The following CEACAM1 variants were observed in gnomAD, a reference collection of about 807,000 sequenced individuals.
CEACAM1 encodes CEA cell adhesion molecule 1.
Under a neutral mutation model 49.1 loss-of-function variants are expected in CEACAM1, and 31 were observed. That is an observed-to-expected ratio of 0.63 (90% CI 0.47 to 0.85). The LOEUF is 0.85. Among genes scored for constraint, CEACAM1 ranks in the 40% least tolerant of loss-of-function variants. The pLI, the probability that CEACAM1 is intolerant of heterozygous loss-of-function variation, is 0.00. For synonymous variants in CEACAM1, 244 were observed against 247.8 expected, an observed-to-expected ratio of 0.98 and a Z score of 0.14; for missense variants, 570 against 645.3, an observed-to-expected ratio of 0.88 and a Z score of 1.26.
chr19:42,528,295 G>T lies in CEACAM1; in HGVS notation c.64+16C>A, dbSNP rs201531597. ...GCGCCCTCTTTCCGCCCCTTCCCAG[G>T]GTGTCCTCCCCTCACCTGTGAGCAG... On this transcript the variant is annotated intron_variant, in intron 1 of 8. Transcript: ENST00000161559. The T allele has an allele frequency of 1.8e-3, 2,882 of 1,610,902 alleles. 1 individual carries two copies. Among genetic ancestry groups the T allele is most frequent in the Non-Finnish European group, 2.3e-3 (2,688 of 1,177,796 alleles).
chr19:42,516,169 A>C (rs559932605), intron 5 of CEACAM1, among the ~76,000 whole-genome samples: 3 of 152,140 alleles, frequency 2.0e-5, no homozygotes, highest in African/African-American at 7.2e-5. Flanking sequence ...GTATTGGAAG[A>C]CCTAGACAGA....
In CEACAM1 at chr19:42,527,121, T is replaced by C. The variant is rs1162419868; in HGVS notation, c.344A>G (p.Asn115Ser). The C allele has an allele frequency of 1.2e-6, 2 of 1,614,126 alleles. No individual in the cohort carries two copies. Among genetic ancestry groups the C allele is most frequent in the Admixed American group, 1.7e-5 (1 of 60,018 alleles). ...ASLLIQNVTQ[N>S]DTGFYTLQVI... Reference sequence around the variant, plus strand: ...TTGTAGGGTGTAGAATCCTGTGTCATTCTGGGTGACGTTCTGGATCAGCAG... The same window carrying C: ...TTGTAGGGTGTAGAATCCTGTGTCACTCTGGGTGACGTTCTGGATCAGCAG... The change falls in exon 2 of 9, where the codon AAT (asparagine) becomes AGT (serine). Residue 115 changes from asparagine to serine, a missense_variant. Asn to Ser is a conservative substitution (Grantham distance 46). Coordinates refer to ENST00000161559, the MANE Select transcript of CEACAM1 (RefSeq NM_001712.5).
intron 1 of CEACAM1, chr19:42,527,734 C>T: frequency 3.9e-6 from 1 of 257,072 alleles, no homozygotes; most frequent in Admixed American, 4.9e-5. Flanking sequence ...CCTGGGTATT[C>T]CCTTTCTGAC....
At chr19:42,519,411 G>C in intron 4 of CEACAM1, 176 bp from the exon 5 acceptor site, 1 of 621,398 alleles carries the variant, frequency 1.6e-6, no homozygotes, top group Non-Finnish European at 2.8e-6. Flanking sequence ...GAGTGTCTTT[G>C]TTCAGGTGAT....
rs1231694498 is a variant in CEACAM1, at chr19:42,507,421, A to G, written c.*1688T>C. ...ACACAGCACAGCATGGATGAGGGAAAGTATGCACAGTCCGTGTCAGGGTTA... is the reference window on the plus strand; with the variant it reads ...ACACAGCACAGCATGGATGAGGGAAGGTATGCACAGTCCGTGTCAGGGTTA... On this transcript the variant is annotated 3_prime_UTR_variant, in exon 9 of 9. Coordinates refer to ENST00000161559, the MANE Select transcript of CEACAM1 (RefSeq NM_001712.5). 3.3e-5 allele frequency: 5 copies of G among 152,320 alleles called. No individual in the cohort carries two copies. The East Asian group carries it at 7.7e-4, about 24-fold the overall frequency. 9.4% of individuals were successfully genotyped at this position (152,320 alleles called of 1,614,324 possible). A position where few individuals can be genotyped will look rare whatever the true frequency, so the allele number is the denominator to read the frequency against.
At chr19:42,510,094 T>C (rs544853221) in intron 8 of CEACAM1, among the ~76,000 whole-genome samples, 9 of 149,820 alleles carry the variant, frequency 6.0e-5, no homozygotes, top group Middle Eastern at 3.4e-3. Context: ...TGAAAACTTC[T>C]TTTTTTTTTG....
At chr19:42,526,992 G>A (rs902551857) in intron 2 of CEACAM1, 49 bp downstream of exon 2, 1 of 1,571,900 alleles carries the variant, frequency 6.4e-7, no homozygotes, top group African/African-American at 1.4e-5. Context: ...CCATGTGTGG[G>A]AAGTAGAACT....
intron 4 of CEACAM1, 25 bp downstream of exon 4, chr19:42,521,242 T>C (rs2041738333): frequency 1.2e-6 from 2 of 1,610,936 alleles, no homozygotes; most frequent in Middle Eastern, 1.7e-4. Context: ...CAGATCTTAG[T>C]GTTGATGCTC....
In CEACAM1 at chr19:42,527,262, T is replaced by C. The variant is rs147100915; in HGVS notation, c.203A>G (p.Tyr68Cys). The change falls in exon 2 of 9, where the codon TAC becomes TGC. Residue 68 changes from tyrosine (Y) to cysteine (C), a missense_variant. Transcript: ENST00000161559. ...GTTGCCATCCACTCTTTCCCCTTTG[T>C]ACCAGCTGTAGCCAAAAAGTTGCTG... is the stretch of plus-strand genomic sequence containing the variant. ...LPQQLFGYSWYKGERVDGNRQ... is the reference protein window; with the variant it reads ...LPQQLFGYSWCKGERVDGNRQ... 451 of 1,613,976 alleles carry C rather than the reference T, an allele frequency of 2.8e-4. No individual in the cohort carries two copies. The highest frequency in any genetic ancestry group is 2.1e-4 in the Non-Finnish European group (242 of 1,179,992).
At chr19:42,526,732 C>G (rs1317596596) in intron 2 of CEACAM1, among the ~76,000 whole-genome samples, 1 of 152,128 alleles carries the variant, frequency 6.6e-6, no homozygotes, top group Admixed American at 6.5e-5. Flanking sequence ...CTGAGTCCTA[C>G]TGGGTCTTTC....
rs762102979 is a variant in CEACAM1 at position 42,519,153 on chromosome 19, G to T, written c.1041C>A (p.Thr347=). ...VTGDKDSVNL[T]CSTNDTGISI... is the part of the protein sequence containing the mutation. ...AGATTCCAGTGTCATTTGTGGAGCA[G>T]GTCAGGTTCACAGAGTCCTTATCTC... The change falls in exon 5 of 9, where the codon ACC becomes ACA. Residue 347 remains threonine, a synonymous_variant. Coordinates refer to ENST00000161559, the MANE Select transcript of CEACAM1 (RefSeq NM_001712.5). The T allele has an allele frequency of 5.0e-6, 8 of 1,614,194 alleles. No individual in the cohort carries two copies. Among genetic ancestry groups the T allele is most frequent in the Middle Eastern group, 1.7e-4 (1 of 6,060 alleles).
chr19:42,522,202 G>T lies in CEACAM1; in HGVS notation c.425C>A (p.Pro142Gln). 6.2e-7 allele frequency: 1 copy of T among 1,614,204 alleles called. No homozygotes were observed. The highest frequency in any genetic ancestry group is 8.5e-7 in the Non-Finnish European group (1 of 1,180,022). Residue 142 changes from proline to glutamine, a missense_variant and splice_region_variant, in exon 3 of 9, where the codon CCG becomes CAG. Transcript: ENST00000161559. ...EEATGQFHVY[P>Q]ELPKPSISSN... is the part of the protein sequence containing the mutation. ...GGAGATGGAGGGCTTGGGCAGCTCC[G>T]CTATGCAGAAAACAGAGAGAAGATT...
intron 5 of CEACAM1, among the ~76,000 whole-genome samples, chr19:42,515,327 C>T (rs1014934834): frequency 5.3e-5 from 8 of 152,044 alleles, no homozygotes; most frequent in African/African-American, 1.9e-4. Context: ...GTGCAATTTT[C>T]GGTTGAGGAA....
chr19:42,511,405 C>T, intron 7 of CEACAM1, 171 bp downstream of exon 7: 4 of 639,618 alleles, frequency 6.3e-6, no homozygotes, highest in Non-Finnish European at 8.4e-6. Context: ...CAGGGGACTC[C>T]TGTGGCTAGG....
chr19:42,522,283 A>G (rs41381744), intron 2 of CEACAM1, 81 bp from the exon 3 acceptor site: 35,372 of 1,555,636 alleles, frequency 0.023, 515 homozygotes, highest in Middle Eastern at 0.028. Flanking sequence ...TTATTTATTT[A>G]TTTTTTTTGG....
intron 4 of CEACAM1, 99 bp downstream of exon 4, chr19:42,521,168 G>A: frequency 7.5e-7 from 1 of 1,336,398 alleles, no homozygotes; most frequent in Non-Finnish European, 1.1e-6. Flanking sequence ...TGTGCCTGTT[G>A]GATACAGGCT....
intron 2 of CEACAM1, among the ~76,000 whole-genome samples, chr19:42,522,723 G>T (rs375370621): frequency 1.3e-5 from 2 of 152,002 alleles, no homozygotes; most frequent in South Asian, 2.1e-4. Context: ...CACCATGCCC[G>T]GCTAGTTTTT....
chr19:42,512,230 C>T (rs1296417571), intron 6 of CEACAM1, 120 bp downstream of exon 6: 2 of 1,147,168 alleles, frequency 1.7e-6, no homozygotes, highest in Non-Finnish European at 2.5e-6. Context: ...TGCCGAGAAG[C>T]AGGAGTTTAG....
intron 8 of CEACAM1, 96 bp downstream of exon 8, chr19:42,510,793 C>T (rs2041438235): frequency 8.4e-7 from 1 of 1,188,400 alleles, no homozygotes; most frequent in African/African-American, 1.5e-5. Context: ...GAACATTAAC[C>T]CAAACTTGAT....
Sources: gnomAD v4.1 joint callset for allele counts (sites outside exome capture counted in the v4.1 genomes callset) on GRCh38, gnomAD v4.1.1 for gene constraint, MANE v1.5 for transcripts, NCBI Gene and HGNC (gene_info 2026-07-23, HGNC 2026-07-21) for gene names.